L2HGDH: variants seen among roughly 807,000 people sequenced by gnomAD.
The protein encoded by L2HGDH is L-2-hydroxyglutarate dehydrogenase, mitochondrial.
L2HGDH carries 34 observed loss-of-function variants against 51.5 expected under a neutral mutation model. The ratio of observed to expected loss-of-function variants is 0.66; its 90% confidence interval spans 0.50 to 0.88. The LOEUF is 0.88. Ranked by LOEUF, L2HGDH falls within the 40% of genes least tolerant of loss-of-function variation. The pLI, the probability that L2HGDH is intolerant of heterozygous loss-of-function variation, is 0.00. For missense variants in L2HGDH, 558 were observed against 571.9 expected (o/e 0.98, Z 0.25); for synonymous variants, 198 against 197.9 (o/e 1.00, Z -0.01).
intron 9 of L2HGDH, among the ~76,000 whole-genome samples, chr14:50,248,424 T>C (rs775352138): frequency 2.9e-4 from 44 of 152,292 alleles, no homozygotes; most frequent in African/African-American, 1.1e-3. Flanking sequence ...AGAGAGATAA[T>C]AGTAATAGCT....
intron 6 of L2HGDH, 119 bp downstream of exon 6, chr14:50,278,401 C>T (rs1280799830): frequency 2.3e-6 from 1 of 438,828 alleles, no homozygotes; most frequent in Non-Finnish European, 3.9e-6. Context: ...GAAATTCTCT[C>T]AGAATTACAT....
Position 50,268,895 on chromosome 14 carries a change from T to C in L2HGDH, c.906+268A>G, listed in dbSNP as rs192221686. Among the ~76,000 whole-genome samples, 10 of 152,234 alleles carry C rather than the reference T, an allele frequency of 6.6e-5. No individual in the cohort carries two copies. The East Asian group carries it at 1.2e-3, about 18-fold the overall frequency. On this transcript the variant is annotated intron_variant, in intron 7 of 9. Transcript: ENST00000267436. The stretch of plus-strand genomic sequence containing the variant: ...CCCTTTCCCTCCACCAGAGAGAAGG[T>C]AGAATTCAGTTCCTTCTTGATAGCA...
chr14:50,285,686 G>A (rs753253527), intron 4 of L2HGDH, among the ~76,000 whole-genome samples: 9 of 152,052 alleles, frequency 5.9e-5, no homozygotes, highest in Admixed American at 2.0e-4. Context: ...ATAGTTTTTT[G>A]CAATTCCAAA....
chr14:50,282,541 G>C (rs745643682), intron 5 of L2HGDH: 1 of 455,872 alleles, frequency 2.2e-6, no homozygotes, highest in Non-Finnish European at 4.4e-6. Flanking sequence ...GTATAGTTCA[G>C]TAATTAACTA....
intron 9 of L2HGDH, among the ~76,000 whole-genome samples, chr14:50,254,224 C>T (rs936603198): frequency 6.6e-6 from 1 of 152,048 alleles, no homozygotes; most frequent in Non-Finnish European, 1.5e-5. Flanking sequence ...AGGATAAATG[C>T]TTGAGGGTAC....
chr14:50,247,061 T>C lies in L2HGDH; in HGVS notation c.1389A>G (p.Leu463=). 6.2e-7 allele frequency: 1 copy of C among 1,612,972 alleles called. No homozygotes were observed. Among genetic ancestry groups the C allele is most frequent in the South Asian group, 1.1e-5 (1 of 90,992 alleles). ...CATACCTAGCTCCTTTCATTATTTA[T>C]AATTCAAATCTTTGTTGTACTTCAT... ...IADEVQQRFE[L] Residue 463 remains leucine (L), a synonymous_variant, in exon 10 of 10, where the codon TTA becomes TTG. Transcript: ENST00000267436.
Position 50,302,994 on chromosome 14 carries a change from C to T in L2HGDH, c.164G>A (p.Gly55Asp), listed in dbSNP as rs118204021. ...AGAGGCAAGCCCCACAATTCCGCCA[C>T]CAACGATGACTATATCAAATGAGCT... Reference protein sequence around the residue: ...STSSFDIVIVGGGIVGLASAR... With the variant: ...STSSFDIVIVDGGIVGLASAR... Residue 55 changes from glycine (G) to aspartate (D), a missense_variant, in exon 2 of 10, where the codon GGT becomes GAT. Around this residue, in one of 3 missense-constraint regions of L2HGDH, gnomAD observed 194 missense variants for 187.2 expected, o/e 1.04. Transcript: ENST00000267436. 1 of 1,612,106 alleles carries T rather than the reference C, an allele frequency of 6.2e-7. No homozygotes were observed. The highest frequency in any genetic ancestry group is 8.5e-7 in the Non-Finnish European group (1 of 1,178,148).
intron 4 of L2HGDH, among the ~76,000 whole-genome samples, chr14:50,286,060 T>C (rs941364360): frequency 1.3e-5 from 2 of 151,954 alleles, no homozygotes; most frequent in Admixed American, 6.6e-5. Context: ...ACCCAGGAGG[T>C]TGGGCATGAA....
intron 4 of L2HGDH, among the ~76,000 whole-genome samples, chr14:50,289,928 G>C (rs1890779201): frequency 1.3e-5 from 2 of 152,250 alleles, no homozygotes; most frequent in Non-Finnish European, 2.9e-5. Context: ...ATTTCAAAAA[G>C]TTGAAGGATA....
chr14:50,300,187 A>G (rs1486186486), intron 3 of L2HGDH, among the ~76,000 whole-genome samples: 1 of 152,192 alleles, frequency 6.6e-6, no homozygotes, highest in Non-Finnish European at 1.5e-5. Context: ...ATAATGTATT[A>G]TATTCTTGAA....
chr14:50,292,047 C>T lies in L2HGDH; in HGVS notation c.540+2068G>A, dbSNP rs536783754. On this transcript the variant is annotated intron_variant, in intron 4 of 9. Coordinates refer to ENST00000267436, the MANE Select transcript of L2HGDH (RefSeq NM_024884.3). The stretch of plus-strand genomic sequence containing the variant: ...AAAAAGTGAATTTTAAATAACAATA[C>T]TATTAATGAGAGTATCAGAAAACAT... Among the ~76,000 whole-genome samples the T allele has an allele frequency of 3.9e-5, 6 of 152,210 alleles. No individual in the cohort carries two copies. The South Asian group carries it at 1.0e-3, about 26-fold the overall frequency.
intron 6 of L2HGDH, among the ~76,000 whole-genome samples, chr14:50,272,084 T>C (rs1204287078): frequency 6.6e-6 from 1 of 152,220 alleles, no homozygotes; most frequent in African/African-American, 2.4e-5. Flanking sequence ...GAGGTTACAG[T>C]GAGCCAAGAT....
chr14:50,260,119 T>C (rs1249632872), intron 9 of L2HGDH, among the ~76,000 whole-genome samples: 2 of 152,072 alleles, frequency 1.3e-5, no homozygotes, highest in African/African-American at 4.8e-5. Context: ...TCTAAGCACT[T>C]TGAGGGATTC....
At chr14:50,261,137 A>G (rs1261354345) in intron 9 of L2HGDH, among the ~76,000 whole-genome samples, 1 of 152,102 alleles carries the variant, frequency 6.6e-6, no homozygotes, top group Non-Finnish European at 1.5e-5. Flanking sequence ...AAATTATACA[A>G]TGAACTGGAC....
At chr14:50,265,269 A>G (rs948177479) in intron 9 of L2HGDH, 89 bp downstream of exon 9, 1 of 1,120,048 alleles carries the variant, frequency 8.9e-7, no homozygotes, top group Non-Finnish European at 1.3e-6. Context: ...CTGACTCTGA[A>G]ATGGTACTTA....
chr14:50,274,294 G>T (rs1040848219), intron 6 of L2HGDH, among the ~76,000 whole-genome samples: 2 of 138,624 alleles, frequency 1.4e-5, no homozygotes, highest in Non-Finnish European at 3.2e-5. Flanking sequence ...AAAGGGGAGT[G>T]GGGGGGCCAA....
chr14:50,278,083 G>A (rs1890069231), intron 6 of L2HGDH, among the ~76,000 whole-genome samples: 1 of 152,060 alleles, frequency 6.6e-6, no homozygotes, highest in African/African-American at 2.4e-5. Context: ...TTGATGCAGC[G>A]AACCTACAGG....
intron 6 of L2HGDH, among the ~76,000 whole-genome samples, chr14:50,271,372 A>C (rs899126328): frequency 2.6e-5 from 4 of 152,228 alleles, no homozygotes; most frequent in Non-Finnish European, 5.9e-5. Flanking sequence ...ATAACCTAAT[A>C]GTTCTCTTTC....
At position 50,308,119 on chromosome 14, in the gene L2HGDH, G is replaced by A. The variant is rs996643494; in HGVS notation, c.140+3892C>T. Among the ~76,000 whole-genome samples the A allele has an allele frequency of 3.9e-5, 6 of 152,298 alleles. No individual in the cohort carries two copies. In the East Asian group the frequency reaches 5.8e-4, roughly 15 times the overall value. On this transcript the variant is annotated intron_variant, in intron 1 of 9. Transcript: ENST00000267436. ...TTTAGAACGTAGGCAGGCCGGGTGC[G>A]ATGGCTCACGCCTTTAATCCCAGCA...
Sources: allele counts gnomAD v4.1 joint callset (sites outside exome capture counted in the v4.1 genomes callset), GRCh38; gene constraint gnomAD v4.1.1; regional missense constraint gnomAD v4.1.1; transcripts MANE v1.5; gene names NCBI Gene and HGNC (gene_info 2026-07-23, HGNC 2026-07-21).